AKR7A3: variants seen among roughly 807,000 people sequenced by gnomAD.
AKR7A3 encodes aldo-keto reductase family 7 member A3.
A neutral mutation model predicts 32.5 loss-of-function variants in AKR7A3; 37 were observed. The observed-to-expected ratio is 1.14, with a 90% confidence interval of 0.88 to 1.50. The LOEUF (loss-of-function observed/expected upper bound fraction) is 1.50, where lower values mean the gene tolerates loss of function less well. Ranked by LOEUF, AKR7A3 falls within the 40% of genes most tolerant of loss-of-function variation. AKR7A3 has a pLI of 0.00. For synonymous variants in AKR7A3, 177 were observed against 188.4 expected (o/e 0.94, Z 0.50); for missense variants, 412 against 453.2 (o/e 0.91, Z 0.83).
intron 1 of AKR7A3, among the ~76,000 whole-genome samples, chr1:19,286,954 T>G (rs1265745717): frequency 6.6e-6 from 1 of 151,544 alleles, no homozygotes; most frequent in African/African-American, 2.4e-5. Context: ...AACCTTGGAC[T>G]CAGACAGAAG....
chr1:19,277,034 A>T, the AKR7A3 span, among the ~76,000 whole-genome samples: 1 of 151,758 alleles, frequency 6.6e-6, no homozygotes, highest in Non-Finnish European at 1.5e-5. Flanking sequence ...GAATCCCTTG[A>T]CCCCAGCAGG....
At chr1:19,282,462 C>A (rs1414666628), downstream of AKR7A3, 2 of 514,782 alleles carry the variant, frequency 3.9e-6, no homozygotes, top group Non-Finnish European at 6.8e-6. Context: ...GGCACCACAC[C>A]CCCTTGTACA....
At chr1:19,286,704 A>C (rs76254035) in intron 1 of AKR7A3, among the ~76,000 whole-genome samples, 1 of 150,508 alleles carries the variant, frequency 6.6e-6, no homozygotes, top group Admixed American at 6.6e-5. Context: ...AACAAACAAC[A>C]AAAAAAAAGA....
intron 1 of AKR7A3, among the ~76,000 whole-genome samples, chr1:19,287,926 C>G (rs2093733675): frequency 6.6e-6 from 1 of 152,180 alleles, no homozygotes; most frequent in Non-Finnish European, 1.5e-5. Context: ...AGGGAGCTGC[C>G]AAGGCTTCCG....
rs2093720666 is a variant in AKR7A3 at position 19,282,627 on chromosome 1, T to C, written c.*104A>G. 1 of 1,563,562 alleles carries C rather than the reference T, an allele frequency of 6.4e-7. No individual in the cohort carries two copies. The highest frequency in any genetic ancestry group is 1.4e-5 in the African/African-American group (1 of 72,682). On this transcript the variant is annotated 3_prime_UTR_variant, in exon 7 of 7. Coordinates refer to ENST00000361640, the MANE Select transcript of AKR7A3 (RefSeq NM_012067.3). ...CTCTTCTATTAGGTTTTTGTCCAAA[T>C]ACTTCCATCCCTAAGAATTTACTGA...
chr1:19,278,463 A>C (rs578143607), downstream of AKR7A3, among the ~76,000 whole-genome samples: 8 of 151,730 alleles, frequency 5.3e-5, no homozygotes, highest in Admixed American at 1.3e-4. Flanking sequence ...TGGGAGGCTG[A>C]GGCAAGATAA....
downstream of AKR7A3, among the ~76,000 whole-genome samples, chr1:19,280,515 A>T (rs1435700156): frequency 6.6e-6 from 1 of 151,684 alleles, no homozygotes; most frequent in Non-Finnish European, 1.5e-5. Flanking sequence ...GTCCAACTTC[A>T]TTCTCTTACT....
At chr1:19,288,004 C>T (rs933286771) in intron 1 of AKR7A3, among the ~76,000 whole-genome samples, 5 of 152,150 alleles carry the variant, frequency 3.3e-5, no homozygotes, top group Non-Finnish European at 5.9e-5. Flanking sequence ...TCCGGGGCCC[C>T]GAGCAGGCTG....
downstream of AKR7A3, among the ~76,000 whole-genome samples, chr1:19,277,646 G>A (rs116145771): frequency 3.5e-3 from 525 of 151,742 alleles, 15 homozygotes; most frequent in African/African-American, 0.012. Flanking sequence ...CTCAGCTCTC[G>A]AATAGCTGGA....
In AKR7A3 at chr1:19,282,794, G is replaced by A. The variant is rs1293979268; in HGVS notation, c.933C>T (p.Val311=). ...AAEEGPLEPA[V]VDAFNQAWHL... The stretch of plus-strand genomic sequence containing the variant: ...GCCAGGCTTGATTAAAGGCGTCCAC[G>A]ACAGCCGGCTCCAGGGGCCCTTCCT... The change falls in exon 7 of 7, where the codon GTC becomes GTT. Residue 311 remains valine, a synonymous_variant. Coordinates refer to ENST00000361640, the MANE Select transcript of AKR7A3 (RefSeq NM_012067.3). The A allele has an allele frequency of 1.6e-5, 26 of 1,613,392 alleles. No individual in the cohort carries two copies. The highest frequency in any genetic ancestry group is 1.3e-4 in the African/African-American group (10 of 74,378).
At chr1:19,283,294 T>C (rs2093722140) in intron 6 of AKR7A3, among the ~76,000 whole-genome samples, 1 of 150,484 alleles carries the variant, frequency 6.6e-6, no homozygotes, top group Admixed American at 6.6e-5. Flanking sequence ...AAGGCTGGAG[T>C]TGGATATAAG....
Position 19,283,984 on chromosome 1 carries a change from G to T in AKR7A3, c.834+12C>A, listed in dbSNP as rs777971619. ...GAAGGGAAGAAGCTGAGCGCACAGG[G>T]TCACTGGTTACCTGCAGCTGTGAGT... On this transcript the variant is annotated intron_variant, in intron 6 of 6. Transcript: ENST00000361640. 1 of 1,612,864 alleles carries T rather than the reference G, an allele frequency of 6.2e-7. No homozygotes were observed. Among genetic ancestry groups the T allele is most frequent in the Non-Finnish European group, 8.5e-7 (1 of 1,179,858 alleles).
chr1:19,276,093 T>C, the AKR7A3 span, among the ~76,000 whole-genome samples: 8 of 151,876 alleles, frequency 5.3e-5, no homozygotes, highest in African/African-American at 1.9e-4. Flanking sequence ...CCAGGCGCCG[T>C]GGCTCACGCC....
At chr1:19,278,401 T>C (rs2093714073), downstream of AKR7A3, among the ~76,000 whole-genome samples, 1 of 151,400 alleles carries the variant, frequency 6.6e-6, no homozygotes, top group Non-Finnish European at 1.5e-5. Context: ...TACTAAAAAA[T>C]ACATAAAAAA....
chr1:19,283,620 A>G (rs1429126247), intron 6 of AKR7A3, among the ~76,000 whole-genome samples: 1 of 152,040 alleles, frequency 6.6e-6, no homozygotes, highest in Non-Finnish European at 1.5e-5. Context: ...GTCTGAGTTC[A>G]GGAATTTGAG....
intron 1 of AKR7A3, 58 bp from the exon 2 acceptor site, chr1:19,286,430 C>A: frequency 6.4e-7 from 1 of 1,559,396 alleles, no homozygotes; most frequent in Non-Finnish European, 8.8e-7. Flanking sequence ...GCCTGTAATC[C>A]CAGCACTTTG....
chr1:19,282,610 T>C lies in AKR7A3; in HGVS notation c.*121A>G. ...TCTTCATTTGGTGGTGACTCTTCTA[T>C]TAGGTTTTTGTCCAAATACTTCCAT... On this transcript the variant is annotated 3_prime_UTR_variant, in exon 7 of 7. Transcript: ENST00000361640. 1 of 1,507,744 alleles carries C rather than the reference T, an allele frequency of 6.6e-7. No homozygotes were observed. Among genetic ancestry groups the C allele is most frequent in the Non-Finnish European group, 9.0e-7 (1 of 1,107,558 alleles). 93.4% of individuals were successfully genotyped at this position (1,507,744 alleles called of 1,614,324 possible).
chr1:19,274,925 A>T, the AKR7A3 span, among the ~76,000 whole-genome samples: 106 of 140,414 alleles, frequency 7.5e-4, 1 homozygote, highest in Non-Finnish European at 1.2e-3. Flanking sequence ...AGACCAATAG[A>T]CAGATGGAAC....
downstream of AKR7A3, among the ~76,000 whole-genome samples, chr1:19,277,957 G>A (rs1208215510): frequency 1.3e-5 from 2 of 151,962 alleles, no homozygotes; most frequent in African/African-American, 2.4e-5. Flanking sequence ...TCTGAAGCAC[G>A]AACATTCTAA....
Sources: allele counts gnomAD v4.1 joint callset (sites outside exome capture counted in the v4.1 genomes callset), GRCh38; gene constraint gnomAD v4.1.1; transcripts MANE v1.5; gene names NCBI Gene and HGNC (gene_info 2026-07-23, HGNC 2026-07-21).